ZNF804B: variants seen among roughly 807,000 people sequenced by gnomAD.
ZNF804B encodes the protein zinc finger protein 804B, also known as zinc finger 804B.
ZNF804B carries 80 observed loss-of-function variants against 101.4 expected under a neutral mutation model. That is an observed-to-expected ratio of 0.79 (90% CI 0.66 to 0.95). ZNF804B has a LOEUF of 0.95. Among genes scored for constraint, ZNF804B ranks in the 40% least tolerant of loss-of-function variants. ZNF804B has a pLI of 0.00. For synonymous variants in ZNF804B, 622 were observed against 558.8 expected, an observed-to-expected ratio of 1.11 and a Z score of -1.59; for missense variants, 1,673 against 1,561.9, an observed-to-expected ratio of 1.07 and a Z score of -1.20.
intron 1 of ZNF804B, among the ~76,000 whole-genome samples, chr7:88,970,347 C>G (rs1401766312): frequency 3.8e-4 from 10 of 26,308 alleles, no homozygotes; most frequent in South Asian, 1.4e-3. Context: ...TTCTGATGCC[C>G]CCCCCCCACC....
chr7:88,925,354 A>C (rs1792780683), intron 1 of ZNF804B, among the ~76,000 whole-genome samples: 2 of 152,150 alleles, frequency 1.3e-5, no homozygotes, highest in Admixed American at 1.3e-4. Context: ...ACCTAACCCC[A>C]GTACTTCAAA....
At chr7:88,833,066 TA>T (rs1034773436) in intron 1 of ZNF804B, among the ~76,000 whole-genome samples, 9 of 151,984 alleles carry the variant, frequency 5.9e-5, no homozygotes, top group Admixed American at 4.6e-4. Flanking sequence ...TTTTATTTTT[TA>T]ACCTGTTGTA....
At chr7:89,005,307 C>CTA (rs1251449278) in intron 1 of ZNF804B, among the ~76,000 whole-genome samples, 2 of 151,968 alleles carry the variant, frequency 1.3e-5, no homozygotes, top group Non-Finnish European at 2.9e-5. Flanking sequence ...GCTTTTTAGG[C>CTA]TACATAGCAG....
intron 1 of ZNF804B, among the ~76,000 whole-genome samples, chr7:88,909,761 G>T (rs891513471): frequency 5.5e-5 from 8 of 145,410 alleles, no homozygotes; most frequent in African/African-American, 1.0e-4. Context: ...TCATTTACAG[G>T]TTTTTTTTTT....
chr7:89,223,201 C>G (rs769331800), intron 2 of ZNF804B, among the ~76,000 whole-genome samples: 13 of 151,864 alleles, frequency 8.6e-5, no homozygotes, highest in Non-Finnish European at 8.8e-5. Context: ...GATGAACTAG[C>G]TGGCTTCTTC....
At chr7:88,943,461 T>C (rs1287044199) in intron 1 of ZNF804B, among the ~76,000 whole-genome samples, 1 of 151,882 alleles carries the variant, frequency 6.6e-6, no homozygotes, top group Non-Finnish European at 1.5e-5. Context: ...TCCAATTATG[T>C]AAAATCTCAA....
intron 1 of ZNF804B, among the ~76,000 whole-genome samples, chr7:89,047,997 T>C (rs1406991146): frequency 6.6e-6 from 1 of 152,148 alleles, no homozygotes; most frequent in Non-Finnish European, 1.5e-5. Context: ...ACAGGTGGTG[T>C]TTTCTTACAT....
At chr7:89,169,605 T>A (rs1159883307) in intron 1 of ZNF804B, among the ~76,000 whole-genome samples, 1 of 152,218 alleles carries the variant, frequency 6.6e-6, no homozygotes, top group Non-Finnish European at 1.5e-5. Flanking sequence ...ATTTATACTA[T>A]TTCTTCAATA....
intron 1 of ZNF804B, among the ~76,000 whole-genome samples, chr7:89,133,188 A>T (rs867312543): frequency 6.6e-6 from 1 of 152,050 alleles, no homozygotes; most frequent in Non-Finnish European, 1.5e-5. Context: ...GAAGGGAGGT[A>T]AATGAGCTTC....
intron 1 of ZNF804B, among the ~76,000 whole-genome samples, chr7:89,028,535 T>A (rs185712125): frequency 3.7e-4 from 57 of 152,296 alleles, no homozygotes; most frequent in African/African-American, 1.3e-3. Context: ...TGCCGTTTTC[T>A]ACTTCATCTG....
At chr7:89,029,907 G>C (rs188401518) in intron 1 of ZNF804B, among the ~76,000 whole-genome samples, 1 of 152,072 alleles carries the variant, frequency 6.6e-6, no homozygotes, top group African/African-American at 2.4e-5. Context: ...CAGCAATTCA[G>C]TACAAAAAGA....
At position 88,998,001 on chromosome 7, in the gene ZNF804B, C is replaced by T. The variant is rs550566483; in HGVS notation, c.109-220154C>T. 3.9e-5 allele frequency among the ~76,000 whole-genome samples: 6 copies of T among 152,176 alleles called. No homozygotes were observed. In the South Asian group the frequency reaches 1.2e-3, roughly 32 times the overall value. On this transcript the variant is annotated intron_variant, in intron 1 of 3. Transcript: ENST00000333190. Reference sequence around the variant, plus strand: ...TTAGCACTCTTATTAGCCTACCACGCCTGGAAAGGGCTGTCTGCCCCTTTG... The same window carrying T: ...TTAGCACTCTTATTAGCCTACCACGTCTGGAAAGGGCTGTCTGCCCCTTTG...
At chr7:88,915,468 G>C (rs931603206) in intron 1 of ZNF804B, among the ~76,000 whole-genome samples, 11 of 152,034 alleles carry the variant, frequency 7.2e-5, no homozygotes, top group African/African-American at 2.4e-4. Context: ...AAATTAAATA[G>C]ATGAACTTAA....
intron 1 of ZNF804B, among the ~76,000 whole-genome samples, chr7:89,128,066 T>C (rs1181157050): frequency 6.6e-6 from 1 of 151,882 alleles, no homozygotes; most frequent in African/African-American, 2.4e-5. Context: ...GCATAGTATT[T>C]AGTATGTATA....
At chr7:89,053,896 C>T (rs1217701897) in intron 1 of ZNF804B, among the ~76,000 whole-genome samples, 2 of 152,010 alleles carry the variant, frequency 1.3e-5, no homozygotes, top group African/African-American at 2.4e-5. Context: ...TTGGTCCTCC[C>T]TTGTCTCAGA....
chr7:89,021,801 C>T (rs1788672308), intron 1 of ZNF804B, among the ~76,000 whole-genome samples: 1 of 152,136 alleles, frequency 6.6e-6, no homozygotes, highest in Admixed American at 6.5e-5. Context: ...GCTACTGGCT[C>T]CCAGAGCATA....
intron 1 of ZNF804B, among the ~76,000 whole-genome samples, chr7:88,762,508 TTA>T (rs1211971704): frequency 6.6e-6 from 1 of 152,218 alleles, no homozygotes; most frequent in Non-Finnish European, 1.5e-5. Context: ...TTTGCCTTCC[TTA>T]CTAATTAATT....
At chr7:89,133,375 G>T (rs990227460) in intron 1 of ZNF804B, among the ~76,000 whole-genome samples, 1 of 152,024 alleles carries the variant, frequency 6.6e-6, no homozygotes, top group African/African-American at 2.4e-5. Flanking sequence ...CTAAGGATAT[G>T]GTTGCTTCTG....
At chr7:88,779,919 C>A (rs893688783) in intron 1 of ZNF804B, among the ~76,000 whole-genome samples, 1 of 152,068 alleles carries the variant, frequency 6.6e-6, no homozygotes, top group African/African-American at 2.4e-5. Context: ...AGGGTCTATG[C>A]GTTAGAAGAT....
Sources: allele counts gnomAD v4.1 joint callset (sites outside exome capture counted in the v4.1 genomes callset), GRCh38; gene constraint gnomAD v4.1.1; transcripts MANE v1.5; gene names NCBI Gene and HGNC (gene_info 2026-07-23, HGNC 2026-07-21).